JAK1: variants seen among roughly 807,000 people sequenced by gnomAD.
The protein encoded by JAK1 is Janus kinase 1, also known as tyrosine-protein kinase JAK1.
A neutral mutation model predicts 136.6 loss-of-function variants in JAK1; 16 were observed. The ratio of observed to expected loss-of-function variants is 0.12; its 90% CI spans 0.08 to 0.18. The LOEUF (loss-of-function observed/expected upper bound fraction) is 0.18. Ranked by LOEUF, JAK1 falls within the 10% of genes least tolerant of loss-of-function variation. The probability of loss-of-function intolerance (pLI) is 1.00; values close to 1 mark genes in which losing one functional copy is unlikely to be tolerated. For synonymous variants in JAK1, 492 were observed against 519.5 expected (o/e 0.95, Z 0.72); for missense variants, 859 against 1,450.1 (o/e 0.59, Z 6.62).
chr1:64,943,100 C>T (rs987102413), intron 1 of JAK1, among the ~76,000 whole-genome samples: 1 of 152,092 alleles, frequency 6.6e-6, no homozygotes, highest in Non-Finnish European at 1.5e-5. Flanking sequence ...CTTTAGTTTT[C>T]CTAATTCTTC....
intron 1 of JAK1, among the ~76,000 whole-genome samples, chr1:64,955,789 G>C: frequency 6.6e-6 from 1 of 152,318 alleles, no homozygotes; most frequent in South Asian, 2.1e-4. Flanking sequence ...GCAGCAGTGG[G>C]GACAGCGAGT....
intron 2 of JAK1, among the ~76,000 whole-genome samples, chr1:65,034,370 C>A (rs919669225): frequency 6.6e-6 from 1 of 152,196 alleles, no homozygotes; most frequent in Non-Finnish European, 1.5e-5. Flanking sequence ...AGGATCAGGA[C>A]AGACTTAATA....
At chr1:64,991,315 G>A (rs372473993) in intron 2 of JAK1, 3 of 152,252 alleles carry the variant, frequency 2.0e-5, no homozygotes, top group African/African-American at 7.2e-5. Flanking sequence ...GAAGCTGGAA[G>A]TCCAAGATCA....
intron 24 of JAK1, among the ~76,000 whole-genome samples, 159 bp from the exon 25 acceptor site, chr1:64,834,816 A>C (rs956810396): frequency 6.6e-6 from 1 of 152,252 alleles, no homozygotes; most frequent in Non-Finnish European, 1.5e-5. Context: ...AACACAGAAA[A>C]TGGGATACAA....
chr1:64,891,993 G>A (rs965986549), intron 1 of JAK1, among the ~76,000 whole-genome samples: 2 of 152,384 alleles, frequency 1.3e-5, no homozygotes, highest in Middle Eastern at 3.4e-3. Flanking sequence ...TTCAGTGAGA[G>A]ACAGTTTTTG....
chr1:64,881,781 T>C (rs1265117335), intron 3 of JAK1, among the ~76,000 whole-genome samples: 1 of 152,166 alleles, frequency 6.6e-6, no homozygotes, highest in African/African-American at 2.4e-5. Context: ...TCCCAGCAGC[T>C]CCTTGGTCCC....
At position 64,895,922 on chromosome 1, in the gene JAK1, T is replaced by C. The variant is rs757087455; in HGVS notation, c.-77-9581A>G. On this transcript the variant is annotated intron_variant, in intron 1 of 24. Transcript: ENST00000342505. Reference sequence around the variant, plus strand: ...ATCCATTCTGTGTACCTTGCAACTGTGCAAAATTTTCAGTGTATTTCATGG... The same window carrying C: ...ATCCATTCTGTGTACCTTGCAACTGCGCAAAATTTTCAGTGTATTTCATGG... Among the ~76,000 whole-genome samples the C allele has an allele frequency of 4.6e-5, 7 of 152,336 alleles. No individual in the cohort carries two copies. In the East Asian group the frequency reaches 7.7e-4, roughly 17 times the overall value.
chr1:65,017,793 A>G (rs1347339726), intron 2 of JAK1, among the ~76,000 whole-genome samples: 1 of 152,106 alleles, frequency 6.6e-6, no homozygotes, highest in Non-Finnish European at 1.5e-5. Context: ...ATCATAGTGG[A>G]AAAAATTTTT....
chr1:64,893,822 G>GA (rs1306541234), intron 1 of JAK1, among the ~76,000 whole-genome samples: 1 of 152,118 alleles, frequency 6.6e-6, no homozygotes, highest in African/African-American at 2.4e-5. Flanking sequence ...TAAAGACATA[G>GA]AATCTCCTGC....
At chr1:64,926,873 T>G (rs1645592093) in intron 1 of JAK1, among the ~76,000 whole-genome samples, 1 of 152,214 alleles carries the variant, frequency 6.6e-6, no homozygotes, top group Admixed American at 6.5e-5. Context: ...TCGTAACACA[T>G]GCTCCGTAGT....
At chr1:64,841,682 A>G in intron 17 of JAK1, 81 bp from the exon 18 acceptor site, 3 of 1,412,848 alleles carry the variant, frequency 2.1e-6, no homozygotes, top group Non-Finnish European at 3.0e-6. Flanking sequence ...GGAATTGCCA[A>G]TTCCTCATTC....
At chr1:64,894,193 CT>C (rs1462289776) in intron 1 of JAK1, among the ~76,000 whole-genome samples, 2 of 152,234 alleles carry the variant, frequency 1.3e-5, no homozygotes, top group African/African-American at 4.8e-5. Context: ...AACTCTGCTG[CT>C]TCCATGAATG....
intron 1 of JAK1, among the ~76,000 whole-genome samples, chr1:65,049,464 A>G (rs984229134): frequency 4.6e-5 from 7 of 152,010 alleles, no homozygotes; most frequent in Non-Finnish European, 7.4e-5. Flanking sequence ...AACAACAACA[A>G]AAAGACTACA....
rs1418601673 is a variant in JAK1, at chr1:64,840,141, G to C, written c.2650-346C>G. Among the ~76,000 whole-genome samples the C allele has an allele frequency of 5.2e-4, 79 of 152,208 alleles. 1 individual carries two copies. The highest frequency in any genetic ancestry group is 5.2e-3 in the Admixed American group (79 of 15,278). Reference sequence around the variant, plus strand: ...GCCCTGGGCTCACGTTACAGGACAGGCCCCACAGCATGGCTGAAAAGAGCA... The same window carrying C: ...GCCCTGGGCTCACGTTACAGGACAGCCCCCACAGCATGGCTGAAAAGAGCA... On this transcript the variant is annotated intron_variant, in intron 19 of 24. Transcript: ENST00000342505.
Position 64,953,489 on chromosome 1 carries a change from G to T in JAK1, c.-78+12844C>A, listed in dbSNP as rs576739867. On this transcript the variant is annotated intron_variant, in intron 1 of 24. Transcript: ENST00000342505. The stretch of plus-strand genomic sequence containing the variant: ...AGACCCACACAGGTAAACACAGGAC[G>T]TGTTATATAACAGTCAGGTAATATA... Among the ~76,000 whole-genome samples the T allele has an allele frequency of 2.6e-5, 4 of 152,188 alleles. No homozygotes were observed. The South Asian group carries it at 8.3e-4, about 32-fold the overall frequency.
Position 64,951,099 on chromosome 1 carries a change from C to T in JAK1, c.-78+15234G>A, listed in dbSNP as rs533927986. On this transcript the variant is annotated intron_variant, in intron 1 of 24. Coordinates refer to ENST00000342505, the MANE Select transcript of JAK1 (RefSeq NM_002227.4). ...TCAGGTTCATGGTGGGCCTGTTCTC[C>T]ATGACTTCTTAAAACCATTAGAACT... 2.4e-3 allele frequency among the ~76,000 whole-genome samples: 366 copies of T among 152,298 alleles called. 2 individuals carry two copies. The highest frequency in any genetic ancestry group is 8.5e-3 in the African/African-American group (352 of 41,568).
chr1:64,872,312 C>T (rs1171550628), intron 5 of JAK1, among the ~76,000 whole-genome samples: 1 of 152,192 alleles, frequency 6.6e-6, no homozygotes, highest in African/African-American at 2.4e-5. Flanking sequence ...TGCTGAGACA[C>T]TCTACATGGA....
At chr1:65,053,406 T>C (rs892820873) in intron 1 of JAK1, among the ~76,000 whole-genome samples, 2 of 151,960 alleles carry the variant, frequency 1.3e-5, no homozygotes, top group Non-Finnish European at 2.9e-5. Context: ...ATGAATAGAA[T>C]GCACCTGTAA....
rs545180935 is a variant in JAK1, at chr1:64,847,791, G to A, written c.1756-116C>T. Reference sequence around the variant, plus strand: ...TCAATGGGATGGGGCAAAGGCAAGAGGGCTCCCTGCCCCAGCTCGTGGTCC... The same window carrying A: ...TCAATGGGATGGGGCAAAGGCAAGAAGGCTCCCTGCCCCAGCTCGTGGTCC... On this transcript the variant is annotated intron_variant, in intron 12 of 24. Coordinates refer to ENST00000342505, the MANE Select transcript of JAK1 (RefSeq NM_002227.4). 77 of 1,176,416 alleles carry A rather than the reference G, an allele frequency of 6.5e-5. No individual in the cohort carries two copies. In the African/African-American group the frequency reaches 8.3e-4, roughly 13 times the overall value. The allele number at this position is 1,176,416 out of a possible 1,614,324, so 72.9% of individuals were successfully genotyped here.
Sources: gnomAD v4.1 joint callset for allele counts (sites outside exome capture counted in the v4.1 genomes callset) on GRCh38, gnomAD v4.1.1 for gene constraint, MANE v1.5 for transcripts, NCBI Gene and HGNC (gene_info 2026-07-23, HGNC 2026-07-21) for gene names.